ROBO3: variants seen among roughly 807,000 people sequenced by gnomAD.
The protein encoded by ROBO3 is roundabout guidance receptor 3.
A neutral mutation model predicts 160.5 loss-of-function variants in ROBO3; 97 were observed. The observed-to-expected ratio is 0.60, with a 90% CI of 0.51 to 0.72. The LOEUF (loss-of-function observed/expected upper bound fraction) is 0.72. Among genes scored for constraint, ROBO3 ranks in the 30% least tolerant of loss-of-function variants. The probability of loss-of-function intolerance (pLI) is 0.00; values close to 1 mark genes in which losing one functional copy is unlikely to be tolerated. For synonymous variants in ROBO3, 780 were observed against 746.2 expected (o/e 1.05, Z -0.74); for missense variants, 1,858 against 1,846.5 (o/e 1.01, Z -0.11).
In ROBO3 at chr11:124,869,949, T is replaced by A. The variant is rs765810148; in HGVS notation, c.647T>A (p.Ile216Asn). Residue 216 changes from isoleucine to asparagine, a missense_variant and splice_region_variant, in exon 4 of 28, where the codon ATC (isoleucine) becomes AAC (asparagine). Physicochemically the swap from Ile to Asn is moderately radical, Grantham distance 149. Coordinates refer to ENST00000397801, the MANE Select transcript of ROBO3 (RefSeq NM_022370.4). This position sits in a 1 kb window ranked among gnomAD's most constrained non-coding sequence, Gnocchi z 4.2. ...RLKEEEGRIT[I>N]RGGKLMMSHT... ...AAAGTTACCATTATTGCTCTGCAGA[T>A]CCGTGGAGGGAAGCTGATGATGTCA... 6.9e-6 allele frequency: 11 copies of A among 1,601,072 alleles called. No homozygotes were observed. In the Admixed American group the frequency reaches 1.7e-4, roughly 25 times the overall value.
At position 124,874,917 on chromosome 11, in the gene ROBO3, T is replaced by C. The variant is rs200518972; in HGVS notation, c.2073+8T>C. On this transcript the variant is annotated splice_region_variant and intron_variant, in intron 13 of 27. Coordinates refer to ENST00000397801, the MANE Select transcript of ROBO3 (RefSeq NM_022370.4). ...CTGCAGGTGTCCTGGACTGTGAGTGTGGTATGGGGAGGAGATTCAGGGTGG... is the reference window on the plus strand; with the variant it reads ...CTGCAGGTGTCCTGGACTGTGAGTGCGGTATGGGGAGGAGATTCAGGGTGG... 2 of 1,602,852 alleles carry C rather than the reference T, an allele frequency of 1.2e-6. No homozygotes were observed. Among genetic ancestry groups the C allele is most frequent in the African/African-American group, 2.7e-5 (2 of 74,856 alleles).
In ROBO3 at chr11:124,876,637, C is replaced by CT. The variant is rs964016244; in HGVS notation, c.2779+178dup. ...GGGGCGACTCGAGGAGCTGCCAGGACTAGGGAGGGCTGCGGGCCAAGACGG... is the reference window on the plus strand; with the variant it reads ...GGGGCGACTCGAGGAGCTGCCAGGACTTAGGGAGGGCTGCGGGCCAAGACGG... On this transcript the variant is annotated intron_variant, in intron 17 of 27. Transcript: ENST00000397801. This position sits in a 1 kb window ranked among gnomAD's most constrained non-coding sequence, Gnocchi z 5.3. The CT allele has an allele frequency of 5.7e-6, 3 of 524,320 alleles. No individual in the cohort carries two copies. The highest frequency in any genetic ancestry group is 6.3e-6 in the Non-Finnish European group (2 of 318,050). 32.5% of individuals were successfully genotyped at this position (524,320 alleles called of 1,614,324 possible).
rs754506440 is a variant in ROBO3, at chr11:124,877,985, C to T, written c.3035C>T (p.Ala1012Val). 5.0e-6 allele frequency: 8 copies of T among 1,611,212 alleles called. No individual in the cohort carries two copies. Among genetic ancestry groups the T allele is most frequent in the Admixed American group, 1.7e-5 (1 of 59,686 alleles). The change falls in exon 21 of 28, where the codon GCC (alanine) becomes GTC (valine). Residue 1012 changes from alanine (A) to valine (V), a missense_variant. By Grantham distance (64) the Ala-to-Val change is moderately conservative. Coordinates refer to ENST00000397801, the MANE Select transcript of ROBO3 (RefSeq NM_022370.4). ...YLAQTARGTA[A>V]PGEGPVYSTI... ...GCTCAGACGGCCAGGGGCACGGCCG[C>T]CCCTGGCGAGGGTCCTGTCTATAGC...
At position 124,877,674 on chromosome 11, in the gene ROBO3, T is replaced by C; in HGVS notation, c.2986+16T>C. ...TATTACAACGGTGAGGAGTTCTCAT[T>C]CCCTCACCTGGCTTCAGCGCACTTC... is the stretch of plus-strand genomic sequence containing the variant. On this transcript the variant is annotated intron_variant, in intron 20 of 27. Coordinates refer to ENST00000397801, the MANE Select transcript of ROBO3 (RefSeq NM_022370.4). 1 of 1,609,232 alleles carries C rather than the reference T, an allele frequency of 6.2e-7. No homozygotes were observed. The highest frequency in any genetic ancestry group is 1.1e-5 in the South Asian group (1 of 89,666).
At chr11:124,868,582 G>C (rs1252083500) in intron 1 of ROBO3, 12 of 659,504 alleles carry the variant, frequency 1.8e-5, no homozygotes, top group Non-Finnish European at 2.8e-6. Flanking sequence ...TCTACTAACC[G>C]GCCTGTCTGT....
In ROBO3 at chr11:124,865,592, G is replaced by A. The variant is rs1031733752; in HGVS notation, c.15G>A (p.Leu5=). Residue 5 remains leucine, a synonymous_variant, in exon 1 of 28, where the codon CTG becomes CTA. Transcript: ENST00000397801. The surrounding 1 kb of genome is among the most constrained non-coding windows in gnomAD (Gnocchi z 5.5). MLRY[L]LKTLLQMNLF... The stretch of plus-strand genomic sequence containing the variant: ...TGGGTCGAGCCATGCTGCGCTACCT[G>A]CTGAAAACGCTGCTGCAGATGAACT... 1.2e-6 allele frequency: 2 copies of A among 1,612,016 alleles called. No individual in the cohort carries two copies. Among genetic ancestry groups the A allele is most frequent in the African/African-American group, 2.7e-5 (2 of 74,886 alleles).
chr11:124,881,181 G>C (rs1285615563), intron 27 of ROBO3, 58 bp from the exon 28 acceptor site: 3 of 1,563,322 alleles, frequency 1.9e-6, no homozygotes, highest in Non-Finnish European at 2.6e-6. Flanking sequence ...AGCCCTTCCT[G>C]GACTTGTTTG....
chr11:124,875,990 A>C lies in ROBO3; in HGVS notation c.2458A>C (p.Asn820His). The change falls in exon 16 of 28, where the codon AAT becomes CAT. Residue 820 changes from asparagine to histidine, a missense_variant. Physicochemically the swap from Asn to His is moderately conservative, Grantham distance 68. Transcript: ENST00000397801. ...CLGNESRFHLNRSAAGWARSA... is the reference protein window; with the variant it reads ...CLGNESRFHLHRSAAGWARSA... ...GGGCAATGAGAGCCGCTTTCACCTC[A>C]ATCGATCTGCAGCAGGCTGGGCACG... is the stretch of plus-strand genomic sequence containing the variant. 1 of 1,600,716 alleles carries C rather than the reference A, an allele frequency of 6.2e-7. No individual in the cohort carries two copies.
chr11:124,876,349 G>C lies in ROBO3; in HGVS notation c.2668G>C (p.Glu890Gln). The C allele has an allele frequency of 3.5e-6, 5 of 1,434,430 alleles. No homozygotes were observed. The highest frequency in any genetic ancestry group is 1.5e-5 in the African/African-American group (1 of 67,314). 88.9% of individuals were successfully genotyped at this position (1,434,430 alleles called of 1,614,324 possible). A position where few individuals can be genotyped will look rare whatever the true frequency, so the allele number is the denominator to read the frequency against. ...GGTGCGGCTGGCGAGGGTGCTGCGG[G>C]AGCCCGCCTTCCTCGCGGGCAGCGG... The part of the protein sequence containing the change: ...LAVRLARVLR[E>Q]PAFLAGSGAA... Residue 890 changes from glutamate to glutamine, a missense_variant, in exon 17 of 28, where the codon GAG becomes CAG. Transcript: ENST00000397801. The surrounding 1 kb of genome is among the most constrained non-coding windows in gnomAD (Gnocchi z 5.3).
chr11:124,880,563 T>C lies in ROBO3; in HGVS notation c.4104T>C (p.Ser1368=), dbSNP rs564855529. The C allele has an allele frequency of 2.1e-6, 3 of 1,453,630 alleles. No homozygotes were observed. The highest frequency in any genetic ancestry group is 1.3e-5 in the South Asian group (1 of 76,512). The allele number at this position is 1,453,630 out of a possible 1,614,324, so 90.0% of individuals were successfully genotyped here. A position where few individuals can be genotyped will look rare whatever the true frequency, so the allele number is the denominator to read the frequency against. ...SRGPGRSRSR[S]QSRSQSQRPG... is the part of the protein sequence containing the mutation. ...GCCCTGGCCGGAGCCGGAGTCGGAG[T>C]CAGAGCCGGAGCCAGAGCCAAAGGC... The change falls in exon 27 of 28, where the codon AGT becomes AGC. Residue 1368 remains serine (S), a synonymous_variant. Transcript: ENST00000397801.
In ROBO3 at chr11:124,881,362, G is replaced by C. The variant is rs1479373910; in HGVS notation, c.*112G>C. ...CTAGCTGAAGCCCATTGGTTTCCAC[G>C]ATTTCAATTGGCTGAGAAGGCAGAG... is the stretch of plus-strand genomic sequence containing the variant. On this transcript the variant is annotated 3_prime_UTR_variant, in exon 28 of 28. Transcript: ENST00000397801. 1 of 1,049,474 alleles carries C rather than the reference G, an allele frequency of 9.5e-7. No individual in the cohort carries two copies. The highest frequency in any genetic ancestry group is 2.6e-5 in the East Asian group (1 of 38,372). 65.0% of individuals were successfully genotyped at this position (1,049,474 alleles called of 1,614,324 possible). A position where few individuals can be genotyped will look rare whatever the true frequency, so the allele number is the denominator to read the frequency against.
At position 124,873,028 on chromosome 11, in the gene ROBO3, A is replaced by T; in HGVS notation, c.1475A>T (p.Gln492Leu). The change falls in exon 9 of 28, where the codon CAG (glutamine) becomes CTG (leucine). Residue 492 changes from glutamine to leucine, a missense_variant. Coordinates refer to ENST00000397801, the MANE Select transcript of ROBO3 (RefSeq NM_022370.4). This position sits in a 1 kb window ranked among gnomAD's most constrained non-coding sequence, Gnocchi z 4.5. ...VRWKKDGQWL[Q>L]GDDLQFKTMA... ...TGGAAGAAGGATGGGCAGTGGCTGC[A>T]GGGGGATGACCTCCAGTTCAAGACA... 1 of 1,613,958 alleles carries T rather than the reference A, an allele frequency of 6.2e-7. No individual in the cohort carries two copies. The highest frequency in any genetic ancestry group is 8.5e-7 in the Non-Finnish European group (1 of 1,179,852).
chr11:124,868,233 A>C (rs1372316997), intron 1 of ROBO3, among the ~76,000 whole-genome samples: 1 of 152,184 alleles, frequency 6.6e-6, no homozygotes, highest in African/African-American at 2.4e-5. Flanking sequence ...CGATTCATAG[A>C]ATCCAGGTTG....
In ROBO3 at chr11:124,878,214, C is replaced by T; in HGVS notation, c.3181+83C>T. The T allele has an allele frequency of 6.3e-7, 1 of 1,575,716 alleles. No homozygotes were observed. The highest frequency in any genetic ancestry group is 8.6e-7 in the Non-Finnish European group (1 of 1,156,324). ...ATCCTCCTCCCTGACCCTCTGGCAC[C>T]TAGCCCGGCACTTCCTTCTGACCTG... On this transcript the variant is annotated intron_variant, in intron 21 of 27. Coordinates refer to ENST00000397801, the MANE Select transcript of ROBO3 (RefSeq NM_022370.4). This position sits in a 1 kb window ranked among gnomAD's most constrained non-coding sequence, Gnocchi z 4.3.
At chr11:124,879,389 G>A in intron 24 of ROBO3, 48 bp downstream of exon 24, 1 of 1,606,606 alleles carries the variant, frequency 6.2e-7, no homozygotes, top group South Asian at 1.1e-5. Flanking sequence ...TCCAGTGCTT[G>A]CTTCCCCTTC....
chr11:124,880,412 C>T lies in ROBO3; in HGVS notation c.3959-6C>T. The stretch of plus-strand genomic sequence containing the variant: ...CACCTGGCTACCCTTCCCTCTTGTG[C>T]TGCAGAAGAGGCCTGGCTCCCATAC... On this transcript the variant is annotated splice_region_variant and splice_polypyrimidine_tract_variant and intron_variant, in intron 26 of 27. Transcript: ENST00000397801. The T allele has an allele frequency of 6.2e-7, 1 of 1,613,196 alleles. No homozygotes were observed. The highest frequency in any genetic ancestry group is 8.5e-7 in the Non-Finnish European group (1 of 1,179,556).
At chr11:124,874,305 C>A in intron 12 of ROBO3, 69 bp downstream of exon 12, 1 of 1,417,826 alleles carries the variant, frequency 7.1e-7, no homozygotes, top group Non-Finnish European at 9.6e-7. Context: ...TCCCCCAAAA[C>A]CATGACACCA....
At position 124,868,802 on chromosome 11, in the gene ROBO3, G is replaced by A. The variant is rs2135324275; in HGVS notation, c.161G>A (p.Gly54Glu). Residue 54 changes from glycine to glutamate, a missense_variant and splice_region_variant, in exon 2 of 28, where the codon GGG (glycine) becomes GAG (glutamate). Physicochemically the swap from Gly to Glu is moderately conservative, Grantham distance 98. Transcript: ENST00000397801. ...GCTCTGCGCCACCCCCTGTCCCCAG[G>A]GTCAAGGGTAGGACCGGAGGACGCT... ...LLPPGDPSLN[G>E]SRVGPEDAMP... The A allele has an allele frequency of 1.2e-6, 2 of 1,607,078 alleles. No individual in the cohort carries two copies. The highest frequency in any genetic ancestry group is 1.1e-5 in the South Asian group (1 of 89,430).
chr11:124,866,607 G>A (rs974008260), intron 1 of ROBO3, among the ~76,000 whole-genome samples: 1 of 152,250 alleles, frequency 6.6e-6, no homozygotes, highest in African/African-American at 2.4e-5. Context: ...AGAGAAAGGA[G>A]ACCCTGGCAA....
Sources: gnomAD v4.1 joint callset for allele counts (sites outside exome capture counted in the v4.1 genomes callset) on GRCh38, gnomAD v4.1.1 for gene constraint, Gnocchi (gnomAD v3.1) non-coding constraint, MANE v1.5 for transcripts, NCBI Gene and HGNC (gene_info 2026-07-23, HGNC 2026-07-21) for gene names.